The following SLC25A21 variants were observed in gnomAD, a reference collection of about 807,000 sequenced individuals.
SLC25A21 encodes mitochondrial 2-oxodicarboxylate carrier.
A neutral mutation model predicts 43.8 loss-of-function variants in SLC25A21; 47 were observed. That is an observed-to-expected ratio of 1.07 (90% CI 0.85 to 1.37). The LOEUF (loss-of-function observed/expected upper bound fraction) is 1.37. Ranked by LOEUF, SLC25A21 falls within the 40% of genes most tolerant of loss-of-function variation. The probability of loss-of-function intolerance (pLI) is 0.00; values close to 1 mark genes in which losing one functional copy is unlikely to be tolerated. For synonymous variants in SLC25A21, 131 were observed against 121.3 expected (o/e 1.08, Z -0.52); for missense variants, 352 against 350.2 (o/e 1.00, Z -0.04).
intron 3 of SLC25A21, among the ~76,000 whole-genome samples, chr14:36,797,189 A>C (rs1887704543): frequency 6.6e-6 from 1 of 152,234 alleles, no homozygotes; most frequent in South Asian, 2.1e-4. Flanking sequence ...AGCATTGTTA[A>C]TCTAACAATA....
At chr14:36,778,222 A>G (rs1173150357) in intron 3 of SLC25A21, among the ~76,000 whole-genome samples, 1 of 152,204 alleles carries the variant, frequency 6.6e-6, no homozygotes, top group African/African-American at 2.4e-5. Context: ...CATCTCCTAC[A>G]TGTATCTCAC....
chr14:37,157,029 G>T (rs528542486), intron 1 of SLC25A21, among the ~76,000 whole-genome samples: 1 of 152,062 alleles, frequency 6.6e-6, no homozygotes, highest in Non-Finnish European at 1.5e-5. Flanking sequence ...CATATGTTAC[G>T]CCACAACACA....
intron 1 of SLC25A21, among the ~76,000 whole-genome samples, chr14:37,165,981 C>T (rs1244995915): frequency 6.6e-6 from 1 of 152,100 alleles, no homozygotes; most frequent in Non-Finnish European, 1.5e-5. Flanking sequence ...ATGTCATATG[C>T]AGGGGCTGCT....
intron 3 of SLC25A21, among the ~76,000 whole-genome samples, chr14:36,764,199 A>ACT (rs1886311811): frequency 2.3e-4 from 34 of 147,024 alleles, no homozygotes; most frequent in Middle Eastern, 3.5e-3. Context: ...AAAGAGAAAG[A>ACT]AAGAAACTGT....
At chr14:36,758,452 A>G (rs1337276991) in intron 3 of SLC25A21, among the ~76,000 whole-genome samples, 2 of 152,050 alleles carry the variant, frequency 1.3e-5, no homozygotes, top group East Asian at 1.9e-4. Context: ...TATGTTTATA[A>G]TTCAGATGTC....
At chr14:36,961,097 C>T (rs1594721378) in intron 1 of SLC25A21, among the ~76,000 whole-genome samples, 1 of 145,402 alleles carries the variant, frequency 6.9e-6, no homozygotes, top group East Asian at 2.0e-4. Context: ...CAAAAACCCA[C>T]ACCTGGATAC....
At chr14:37,027,984 A>T (rs955555968) in intron 1 of SLC25A21, among the ~76,000 whole-genome samples, 15 of 152,242 alleles carry the variant, frequency 9.9e-5, no homozygotes, top group African/African-American at 3.6e-4. Context: ...ATTACATGAT[A>T]CACAATTACA....
At chr14:36,749,742 C>T (rs1885632358) in intron 3 of SLC25A21, among the ~76,000 whole-genome samples, 1 of 152,172 alleles carries the variant, frequency 6.6e-6, no homozygotes, top group African/African-American at 2.4e-5. Flanking sequence ...TGCCTGGGAT[C>T]CTCACCTCAC....
At chr14:36,890,084 T>C (rs207474658) in intron 1 of SLC25A21, among the ~76,000 whole-genome samples, 5 of 151,946 alleles carry the variant, frequency 3.3e-5, no homozygotes, top group Non-Finnish European at 7.4e-5. Context: ...CACAGGGTAA[T>C]AGGAAGCAAG....
intron 3 of SLC25A21, among the ~76,000 whole-genome samples, chr14:36,783,267 G>C (rs990131645): frequency 1.3e-5 from 2 of 152,006 alleles, no homozygotes; most frequent in African/African-American, 4.8e-5. Flanking sequence ...TTGGGGTGGG[G>C]AGTGAGGCAT....
intron 1 of SLC25A21, among the ~76,000 whole-genome samples, chr14:37,112,153 CT>C (rs1438289499): frequency 6.6e-6 from 1 of 151,668 alleles, no homozygotes; most frequent in African/African-American, 2.4e-5. Flanking sequence ...CTATATTCAC[CT>C]TATTCTAGAA....
At chr14:36,744,897 A>G (rs1268784393) in intron 3 of SLC25A21, among the ~76,000 whole-genome samples, 1 of 152,014 alleles carries the variant, frequency 6.6e-6, no homozygotes, top group African/African-American at 2.4e-5. Context: ...TCTAGGGTAC[A>G]TGTACACAAC....
At chr14:36,784,364 GT>G (rs368365241) in intron 3 of SLC25A21, among the ~76,000 whole-genome samples, 1 of 151,240 alleles carries the variant, frequency 6.6e-6, no homozygotes, top group African/African-American at 2.4e-5. Flanking sequence ...AACATTGGCT[GT>G]TTTTTTTTCT....
chr14:36,684,994 A>C, intron 7 of SLC25A21, 69 bp from the exon 8 acceptor site: 2 of 1,272,458 alleles, frequency 1.6e-6, no homozygotes, highest in East Asian at 4.9e-5. Flanking sequence ...AACACTATAA[A>C]GCAATATGTA....
At chr14:37,011,300 A>G (rs1960726894) in intron 1 of SLC25A21, among the ~76,000 whole-genome samples, 1 of 152,198 alleles carries the variant, frequency 6.6e-6, no homozygotes, top group African/African-American at 2.4e-5. Flanking sequence ...ATAAGCCACC[A>G]CACCTGACCT....
Position 36,729,572 on chromosome 14 carries a change from A to C in SLC25A21, c.271-6T>G, listed in dbSNP as rs758236125. 1 of 1,602,014 alleles carries C rather than the reference A, an allele frequency of 6.2e-7. No homozygotes were observed. The highest frequency in any genetic ancestry group is 1.7e-5 in the Admixed American group (1 of 57,406). On this transcript the variant is annotated splice_polypyrimidine_tract_variant and splice_region_variant and intron_variant, in intron 4 of 9. Transcript: ENST00000331299. Reference sequence around the variant, plus strand: ...TACTGCTCAAAGGTGAAAAACTGTGAAACAAAACCAAACTCACAGATTTAT... The same window carrying C: ...TACTGCTCAAAGGTGAAAAACTGTGCAACAAAACCAAACTCACAGATTTAT...
chr14:36,946,466 A>G (rs1892681756), intron 1 of SLC25A21, among the ~76,000 whole-genome samples: 1 of 152,174 alleles, frequency 6.6e-6, no homozygotes, highest in East Asian at 1.9e-4. Flanking sequence ...ATGATTCCAT[A>G]CGTAAATAAT....
At chr14:36,695,773 CCTGAATTTG>C (rs568440489) in intron 7 of SLC25A21, among the ~76,000 whole-genome samples, 49 of 152,190 alleles carry the variant, frequency 3.2e-4, no homozygotes, top group Admixed American at 2.1e-3. Flanking sequence ...CTGAGACTTT[CCTGAATTTG>C]CTTATCAGTT....
chr14:37,153,338 G>C (rs192878364), intron 1 of SLC25A21, among the ~76,000 whole-genome samples: 1 of 152,354 alleles, frequency 6.6e-6, no homozygotes, highest in African/African-American at 2.4e-5. Flanking sequence ...AGTTATCACT[G>C]CTGGAATGAG....
Sources: gnomAD v4.1 joint callset for allele counts (sites outside exome capture counted in the v4.1 genomes callset) on GRCh38, gnomAD v4.1.1 for gene constraint, MANE v1.5 for transcripts, NCBI Gene and HGNC (gene_info 2026-07-23, HGNC 2026-07-21) for gene names.